The following ZNF385D variants were observed in gnomAD, a reference collection of about 807,000 sequenced individuals.
The protein encoded by ZNF385D is zinc finger protein 659.
In ZNF385D, 15 loss-of-function variants were observed where a neutral mutation model predicts 35.8. That is an observed-to-expected ratio of 0.42 (90% CI 0.28 to 0.64). The LOEUF (loss-of-function observed/expected upper bound fraction) is 0.64, where lower values mean the gene tolerates loss of function less well. ZNF385D is among the 30% of genes least tolerant of loss of function. The pLI, the probability that ZNF385D is intolerant of heterozygous loss-of-function variation, is 0.23. For missense variants in ZNF385D, 474 were observed against 494.6 expected, an observed-to-expected ratio of 0.96 and a Z score of 0.39; for synonymous variants, 212 against 186.8, an observed-to-expected ratio of 1.13 and a Z score of -1.10.
chr3:21,844,643 A>G (rs1695886076), intron 3 of ZNF385D, among the ~76,000 whole-genome samples: 1 of 152,004 alleles, frequency 6.6e-6, no homozygotes, highest in African/African-American at 2.4e-5. Flanking sequence ...TCAGTGCATG[A>G]CATCATTTTT....
intron 3 of ZNF385D, chr3:21,978,089 G>C (rs1376092980): frequency 6.6e-6 from 1 of 151,790 alleles, no homozygotes; most frequent in Non-Finnish European, 1.5e-5. Flanking sequence ...CTTCCAGATA[G>C]AGAAATACTT....
At chr3:22,265,004 A>C (rs745837810) in intron 2 of ZNF385D, among the ~76,000 whole-genome samples, 3 of 151,898 alleles carry the variant, frequency 2.0e-5, no homozygotes, top group Non-Finnish European at 4.4e-5. Context: ...CAGAATCCTC[A>C]GATAACGGAC....
intron 3 of ZNF385D, among the ~76,000 whole-genome samples, chr3:21,802,886 T>A (rs2072470428): frequency 6.6e-6 from 1 of 152,188 alleles, no homozygotes. Context: ...AGGTTTTGCG[T>A]GCAAGTGATT....
intron 3 of ZNF385D, among the ~76,000 whole-genome samples, chr3:21,960,024 A>C (rs1007791141): frequency 5.3e-5 from 1 of 18,700 alleles, no homozygotes; most frequent in Non-Finnish European, 2.7e-4. Flanking sequence ...ACAGCCTCCA[A>C]AAAAAAAAAA....
chr3:22,180,200 T>C (rs1695139009), intron 2 of ZNF385D, among the ~76,000 whole-genome samples: 1 of 152,174 alleles, frequency 6.6e-6, no homozygotes, highest in African/African-American at 2.4e-5. Flanking sequence ...AATGGATAAA[T>C]TCCTCGACAC....
intron 3 of ZNF385D, among the ~76,000 whole-genome samples, chr3:21,974,958 C>G (rs1458990300): frequency 1.3e-5 from 2 of 152,182 alleles, no homozygotes; most frequent in African/African-American, 4.8e-5. Flanking sequence ...AACCCTCGAA[C>G]ACTGTTAGTG....
At chr3:21,468,031 A>G (rs1252617203) in intron 4 of ZNF385D, among the ~76,000 whole-genome samples, 1 of 152,188 alleles carries the variant, frequency 6.6e-6, no homozygotes, top group East Asian at 1.9e-4. Flanking sequence ...GTGTTTTATG[A>G]AGTGAAATAT....
intron 2 of ZNF385D, among the ~76,000 whole-genome samples, chr3:21,621,734 T>C (rs964160836): frequency 1.2e-4 from 18 of 152,142 alleles, no homozygotes; most frequent in Middle Eastern, 6.8e-3. Flanking sequence ...GAAAAATGAA[T>C]GTAACCTATT....
In ZNF385D at chr3:21,418,608, G is replaced by C. The variant is rs1352539290; in HGVS notation, c.*2606C>G. On this transcript the variant is annotated 3_prime_UTR_variant, in exon 8 of 8. Transcript: ENST00000281523. The stretch of plus-strand genomic sequence containing the variant: ...AATATGGCTGATTCGTTTGTTCCCA[G>C]CAAATCATTAAAGACAGTAATGCCT... 2.0e-5 allele frequency: 3 copies of C among 152,176 alleles called. No homozygotes were observed. The highest frequency in any genetic ancestry group is 6.5e-5 in the Admixed American group (1 of 15,276). 9.4% of individuals were successfully genotyped at this position (152,176 alleles called of 1,614,324 possible). A position where few individuals can be genotyped will look rare whatever the true frequency, so the allele number is the denominator to read the frequency against.
At chr3:22,189,372 AAACT>A (rs1238759694) in intron 2 of ZNF385D, among the ~76,000 whole-genome samples, 2 of 152,210 alleles carry the variant, frequency 1.3e-5, no homozygotes. Context: ...CAAGGAAACC[AAACT>A]AACCAGAGCC....
chr3:22,211,853 T>A (rs952602163), intron 2 of ZNF385D, among the ~76,000 whole-genome samples: 1 of 151,998 alleles, frequency 6.6e-6, no homozygotes, highest in African/African-American at 2.4e-5. Flanking sequence ...AATTCCTTCG[T>A]CTTCCTTTTC....
At chr3:21,903,012 G>C (rs1699489289) in intron 3 of ZNF385D, among the ~76,000 whole-genome samples, 1 of 151,992 alleles carries the variant, frequency 6.6e-6, no homozygotes, top group Non-Finnish European at 1.5e-5. Context: ...TTCACCATTG[G>C]TCTAATAAAA....
At chr3:21,645,548 G>T (rs1160689506) in intron 2 of ZNF385D, among the ~76,000 whole-genome samples, 1 of 152,184 alleles carries the variant, frequency 6.6e-6, no homozygotes, top group Non-Finnish European at 1.5e-5. Flanking sequence ...TTAAAGCTGG[G>T]CTGGGAATTT....
intron 2 of ZNF385D, among the ~76,000 whole-genome samples, chr3:22,242,530 A>C (rs894588450): frequency 5.3e-5 from 8 of 150,934 alleles, no homozygotes; most frequent in Non-Finnish European, 1.2e-4. Flanking sequence ...AGAAAAAAAA[A>C]CTCAAAACAA....
At chr3:22,204,755 T>C (rs1031506214) in intron 2 of ZNF385D, among the ~76,000 whole-genome samples, 2 of 149,048 alleles carry the variant, frequency 1.3e-5, no homozygotes, top group African/African-American at 2.4e-5. Flanking sequence ...CTTACCAGAA[T>C]TGATCATACA....
At chr3:22,202,771 G>A (rs1001898526) in intron 2 of ZNF385D, among the ~76,000 whole-genome samples, 4 of 152,074 alleles carry the variant, frequency 2.6e-5, no homozygotes, top group Non-Finnish European at 5.9e-5. Flanking sequence ...TTGAATGTGG[G>A]ACTTTGCATG....
intron 3 of ZNF385D, among the ~76,000 whole-genome samples, chr3:21,941,402 G>T (rs509513): frequency 2.0e-5 from 3 of 151,208 alleles, no homozygotes; most frequent in Admixed American, 2.0e-4. Context: ...CTACTTAGCT[G>T]AAATAAGTGA....
At chr3:21,454,723 T>A (rs369656428) in intron 4 of ZNF385D, among the ~76,000 whole-genome samples, 2 of 152,142 alleles carry the variant, frequency 1.3e-5, no homozygotes, top group South Asian at 4.1e-4. Context: ...AACATAGTGT[T>A]GGAAGTTCTG....
At chr3:22,128,857 G>C (rs1332970146) in intron 3 of ZNF385D, among the ~76,000 whole-genome samples, 1 of 152,110 alleles carries the variant, frequency 6.6e-6, no homozygotes, top group Non-Finnish European at 1.5e-5. Context: ...AATGCTGAAA[G>C]GTCACATTTC....
Sources: gnomAD v4.1 joint callset for allele counts (sites outside exome capture counted in the v4.1 genomes callset) on GRCh38, gnomAD v4.1.1 for gene constraint, MANE v1.5 for transcripts, NCBI Gene and HGNC (gene_info 2026-07-23, HGNC 2026-07-21) for gene names.